NAV3: variants seen among roughly 807,000 people sequenced by gnomAD.
NAV3 encodes pore membrane and/or filament interacting like protein 1.
In NAV3, 87 loss-of-function variants were observed where a neutral mutation model predicts 244.7. The observed-to-expected ratio is 0.36, with a 90% CI of 0.30 to 0.42. The LOEUF is 0.42. Among genes scored for constraint, NAV3 ranks in the 20% least tolerant of loss-of-function variants. The pLI, the probability that NAV3 is intolerant of heterozygous loss-of-function variation, is 1.00. For missense variants in NAV3, 2,663 were observed against 2,893.3 expected (o/e 0.92, Z 1.83); for synonymous variants, 1,126 against 1,042.2 (o/e 1.08, Z -1.55).
chr12:77,734,164 A>G (rs1288097266), intron 2 of NAV3, among the ~76,000 whole-genome samples: 2 of 152,140 alleles, frequency 1.3e-5, no homozygotes, highest in East Asian at 3.9e-4. Context: ...CACTTATGCT[A>G]TGAGGATAAA....
Position 77,813,850 on chromosome 12 carries a change from C to T in NAV3, c.73-126469C>T, listed in dbSNP as rs11106806. ...AGTGGCACACTCTAATACTTTAATG[C>T]CCTCATTTATTTCAGTATGGTTTTC... On this transcript the variant is annotated intron_variant, in intron 2 of 8. Transcript: ENST00000550042. Among the ~76,000 whole-genome samples, 252 of 152,182 alleles carry T rather than the reference C, an allele frequency of 1.7e-3. 2 individuals are homozygous for T. Among genetic ancestry groups the T allele is most frequent in the African/African-American group, 5.8e-3 (242 of 41,518 alleles).
chr12:77,947,022 G>A (rs146741983), intron 3 of NAV3, among the ~76,000 whole-genome samples: 348 of 152,142 alleles, frequency 2.3e-3, no homozygotes, highest in African/African-American at 7.6e-3. Context: ...CTGTTTTGTC[G>A]TAATAATTCA....
chr12:77,809,918 C>T (rs1483268480), intron 2 of NAV3, among the ~76,000 whole-genome samples: 1 of 151,898 alleles, frequency 6.6e-6, no homozygotes, highest in African/African-American at 2.4e-5. Flanking sequence ...TGGTTGGGTT[C>T]GTAGTTGTTC....
At position 77,961,664 on chromosome 12, in the gene NAV3, TTACA is replaced by T. The variant is rs1405088255; in HGVS notation, c.415-4559_415-4556del. Among the ~76,000 whole-genome samples, 4 of 146,594 alleles carry T rather than the reference TTACA, an allele frequency of 2.7e-5. No individual in the cohort carries two copies. In the East Asian group the frequency reaches 7.8e-4, roughly 29 times the overall value. On this transcript the variant is annotated intron_variant, in intron 3 of 39. Coordinates refer to ENST00000397909, the MANE Select transcript of NAV3 (RefSeq NM_001024383.2). ...GCAATATATTATTACATTATATATA[TTACA>T]TACATGTAATATATGTAATATATGT... is the stretch of plus-strand genomic sequence containing the variant.
chr12:77,755,581 T>TCCTTTCCTTTCCTTTCCTTTCCTC (rs1565800350), intron 2 of NAV3, among the ~76,000 whole-genome samples: 3 of 8,430 alleles, frequency 3.6e-4, no homozygotes, highest in Admixed American at 9.8e-4. Context: ...TCCTTTCCTT[T>TCCTTTCCTTTCCTTTCCTTTCCTC]CCTCCCTCCC....
intron 1 of NAV3, among the ~76,000 whole-genome samples, chr12:77,902,746 A>T (rs1057294147): frequency 2.6e-5 from 4 of 152,184 alleles, no homozygotes; most frequent in African/African-American, 9.7e-5. Context: ...AGAAAACCCC[A>T]TCGTCTCAGC....
rs574637447 is a variant in NAV3 at position 78,128,697 on chromosome 12, G to C, written c.4281-9G>C. ...TGTGCTTAAGTGTCATAGCTGTGCT[G>C]TTTTGCAGATATACCCCATCATCTC... On this transcript the variant is annotated splice_polypyrimidine_tract_variant and intron_variant, in intron 17 of 39. Transcript: ENST00000397909. 1.9e-6 allele frequency: 3 copies of C among 1,612,734 alleles called. No individual in the cohort carries two copies. The East Asian group carries it at 6.7e-5, about 36-fold the overall frequency.
chr12:77,623,179 A>G (rs1198925332), intron 2 of NAV3, among the ~76,000 whole-genome samples: 1 of 152,196 alleles, frequency 6.6e-6, no homozygotes, highest in African/African-American at 2.4e-5. Flanking sequence ...TTGCAAATTA[A>G]AATATAATAT....
intron 12 of NAV3, among the ~76,000 whole-genome samples, chr12:78,081,939 A>C (rs1953374658): frequency 6.6e-6 from 1 of 152,186 alleles, no homozygotes; most frequent in Non-Finnish European, 1.5e-5. Flanking sequence ...TCCCTGGCTA[A>C]TATGGTTTAG....
intron 1 of NAV3, among the ~76,000 whole-genome samples, chr12:77,897,489 C>T (rs1275280789): frequency 6.6e-6 from 1 of 152,128 alleles, no homozygotes; most frequent in Non-Finnish European, 1.5e-5. Context: ...TATCCATGAA[C>T]AAAGAGGTCT....
chr12:77,745,987 G>A (rs1249026870), intron 2 of NAV3, among the ~76,000 whole-genome samples: 19 of 58,422 alleles, frequency 3.3e-4, no homozygotes, highest in South Asian at 2.8e-3. Context: ...AAGACTTAAG[G>A]TAAAAAAAAA....
At chr12:77,680,670 T>C (rs567827162) in intron 2 of NAV3, among the ~76,000 whole-genome samples, 13 of 152,330 alleles carry the variant, frequency 8.5e-5, no homozygotes, top group Middle Eastern at 6.8e-3. Flanking sequence ...GCTGTCTTCT[T>C]TGTGCCCTTT....
rs1593782890 is a variant in NAV3, at chr12:78,146,258, TCTC to T, written c.4684-110_4684-108del. ...AACTTAATGTATTTCATTCTATTCT[TCTC>T]ATAGTAGATAATAAAAAGTACATCA... On this transcript the variant is annotated intron_variant, in intron 20 of 39. Coordinates refer to ENST00000397909, the MANE Select transcript of NAV3 (RefSeq NM_001024383.2). The T allele has an allele frequency of 4.0e-5, 15 of 370,802 alleles. No individual in the cohort carries two copies. In the East Asian group the frequency reaches 6.6e-4, roughly 16 times the overall value. The allele number at this position is 370,802 out of a possible 1,614,324, so 23.0% of individuals were successfully genotyped here.
chr12:78,052,285 A>G (rs1882868057), intron 11 of NAV3: 4 of 152,164 alleles, frequency 2.6e-5, no homozygotes, highest in Admixed American at 1.3e-4. Flanking sequence ...CCCAATACCT[A>G]CTAGTCCATT....
chr12:78,086,092 A>G (rs778481998), intron 12 of NAV3, among the ~76,000 whole-genome samples: 1 of 152,086 alleles, frequency 6.6e-6, no homozygotes, highest in African/African-American at 2.4e-5. Context: ...TTTCTACAAA[A>G]TAATTAACAC....
At chr12:77,667,848 A>G (rs1222374309) in intron 2 of NAV3, among the ~76,000 whole-genome samples, 2 of 152,038 alleles carry the variant, frequency 1.3e-5, no homozygotes, top group African/African-American at 4.8e-5. Context: ...AACCAACACA[A>G]AACTGGTGCA....
chr12:77,988,642 C>A (rs1870945176), intron 5 of NAV3, among the ~76,000 whole-genome samples: 1 of 152,148 alleles, frequency 6.6e-6, no homozygotes, highest in Admixed American at 6.6e-5. Flanking sequence ...TTTCTGACAT[C>A]TTTTGCCCAC....
At chr12:78,176,307 G>A in intron 25 of NAV3, 132 bp from the exon 26 acceptor site, 1 of 744,956 alleles carries the variant, frequency 1.3e-6, no homozygotes, top group Non-Finnish European at 2.1e-6. Context: ...GATTTTACTG[G>A]AGTGCTTTCT....
chr12:78,033,984 A>T (rs903116815), intron 9 of NAV3, among the ~76,000 whole-genome samples: 12 of 152,210 alleles, frequency 7.9e-5, no homozygotes, highest in Non-Finnish European at 1.5e-4. Flanking sequence ...TTGTTAGAAT[A>T]AAGAATACCT....
Sources: gnomAD v4.1 joint callset for allele counts (sites outside exome capture counted in the v4.1 genomes callset) on GRCh38, gnomAD v4.1.1 for gene constraint, MANE v1.5 for transcripts, NCBI Gene and HGNC (gene_info 2026-07-23, HGNC 2026-07-21) for gene names.